Variants in GSE1 observed in about 807,000 individuals in gnomAD.
GSE1 encodes Gse1 coiled-coil protein.
In GSE1, 32 loss-of-function variants were observed where a neutral mutation model predicts 112.6. The observed-to-expected ratio is 0.28, with a 90% CI of 0.21 to 0.38. The LOEUF (loss-of-function observed/expected upper bound fraction) is 0.38. GSE1 is among the 10% of genes least tolerant of loss of function. The pLI is 1.00. For synonymous variants in GSE1, 1,115 were observed against 735.6 expected (o/e 1.52, Z -8.35); for missense variants, 2,348 against 1,699.2 (o/e 1.38, Z -6.71).
rs139489600 is a variant in GSE1, at chr16:85,604,026, T to C, written c.38-44526T>C. ...CAGGAAGCATGGTGCTCACATCTGC[T>C]CAGCTTCGGGGGAGGCCCCAGGAAA... is the stretch of plus-strand genomic sequence containing the variant. On this transcript the variant is annotated intron_variant, in intron 1 of 2. Transcript: ENST00000635906. Among the ~76,000 whole-genome samples, 43 of 152,248 alleles carry C rather than the reference T, an allele frequency of 2.8e-4. 2 individuals carry two copies. The East Asian group carries it at 7.7e-3, about 27-fold the overall frequency.
At chr16:85,519,246 C>T (rs932249759) in intron 2 of GSE1, among the ~76,000 whole-genome samples, 1 of 151,740 alleles carries the variant, frequency 6.6e-6, no homozygotes, top group Non-Finnish European at 1.5e-5. Flanking sequence ...TCACCACCAT[C>T]GTCACTTTTA....
At chr16:85,544,603 G>GA (rs2044633632) in intron 2 of GSE1, among the ~76,000 whole-genome samples, 1 of 152,214 alleles carries the variant, frequency 6.6e-6, no homozygotes. Context: ...GAAAGACAGG[G>GA]ATGAAGCCGC....
chr16:85,343,884 C>G (rs1008019695), intron 1 of GSE1, among the ~76,000 whole-genome samples: 16 of 152,198 alleles, frequency 1.1e-4, no homozygotes, highest in African/African-American at 3.9e-4. Context: ...CAAAATGGGA[C>G]CCATTGCTTC....
intron 1 of GSE1, among the ~76,000 whole-genome samples, chr16:85,615,330 C>G (rs1276182714): frequency 6.6e-6 from 1 of 152,208 alleles, no homozygotes; most frequent in Admixed American, 6.5e-5. Flanking sequence ...CCCTGGCCTG[C>G]GAGAGCAGCG....
At chr16:85,431,287 T>G (rs8047609) in intron 2 of GSE1, among the ~76,000 whole-genome samples, 4 of 152,124 alleles carry the variant, frequency 2.6e-5, no homozygotes, top group African/African-American at 7.2e-5. Flanking sequence ...CTCCAGGCCC[T>G]GTCCATACGG....
chr16:85,514,531 C>T (rs973624599), intron 2 of GSE1, among the ~76,000 whole-genome samples: 4 of 151,952 alleles, frequency 2.6e-5, no homozygotes, highest in African/African-American at 9.7e-5. Flanking sequence ...GCCCCCTTGC[C>T]TGGGAGAATG....
intron 1 of GSE1, among the ~76,000 whole-genome samples, chr16:85,632,481 C>T (rs901119948): frequency 7.2e-5 from 11 of 152,154 alleles, no homozygotes; most frequent in African/African-American, 2.4e-4. Context: ...CCAGGACTCA[C>T]GGCCTTTGGT....
At chr16:85,658,217 G>A (rs2052136626) in intron 8 of GSE1, among the ~76,000 whole-genome samples, 2 of 152,132 alleles carry the variant, frequency 1.3e-5, no homozygotes, top group African/African-American at 4.8e-5. Flanking sequence ...TTCCTGCCTT[G>A]GGGCTGTGCT....
At chr16:85,221,330 A>ACC (rs1269993900) in intron 1 of GSE1, among the ~76,000 whole-genome samples, 3 of 147,910 alleles carry the variant, frequency 2.0e-5, no homozygotes, top group Non-Finnish European at 4.5e-5. Flanking sequence ...ACACACACAC[A>ACC]CACACCCCAA....
chr16:85,268,213 C>G (rs1908450834), intron 1 of GSE1, among the ~76,000 whole-genome samples: 1 of 142,918 alleles, frequency 7.0e-6, no homozygotes, highest in Non-Finnish European at 1.5e-5. Context: ...TCTCTGAGGC[C>G]CTGGTACTGG....
intron 1 of GSE1, among the ~76,000 whole-genome samples, chr16:85,338,212 C>T (rs529540377): frequency 1.5e-3 from 224 of 152,364 alleles, no homozygotes; most frequent in African/African-American, 5.2e-3. Context: ...ATCTCTGCAC[C>T]GGCAGATCTT....
chr16:85,489,094 C>T lies in GSE1; in HGVS notation c.2464+131451C>T, dbSNP rs572363584. On this transcript the variant is annotated intron_variant, in intron 2 of 2. Transcript: ENST00000637419. ...GGAAGTATCCATGTCTGCAGCGTCC[C>T]GTGTGCTACCAATGAGCTACCCACA... 8.5e-5 allele frequency among the ~76,000 whole-genome samples: 13 copies of T among 152,254 alleles called. No homozygotes were observed. The South Asian group carries it at 2.1e-3, about 24-fold the overall frequency.
At chr16:85,549,138 C>G (rs1404461919) in intron 2 of GSE1, among the ~76,000 whole-genome samples, 2 of 151,870 alleles carry the variant, frequency 1.3e-5, no homozygotes, top group East Asian at 3.9e-4. Context: ...AGGCCACATT[C>G]ACAGGTACCA....
intron 2 of GSE1, among the ~76,000 whole-genome samples, chr16:85,536,342 TGCATGGG>T (rs1237233147): frequency 2.0e-5 from 3 of 152,170 alleles, no homozygotes; most frequent in African/African-American, 7.2e-5. Flanking sequence ...TGGAGTTGGC[TGCATGGG>T]GGTGAGAAGA....
At chr16:85,404,887 C>T (rs1402070515) in intron 2 of GSE1, among the ~76,000 whole-genome samples, 1 of 42,144 alleles carries the variant, frequency 2.4e-5, no homozygotes, top group Non-Finnish European at 4.6e-5. Flanking sequence ...CTGTTGCACT[C>T]AGGGCCCCCC....
chr16:85,298,986 G>A (rs1295907017), intron 1 of GSE1, among the ~76,000 whole-genome samples: 4 of 152,304 alleles, frequency 2.6e-5, no homozygotes, highest in Non-Finnish European at 2.9e-5. Context: ...GGGCCAGCCT[G>A]CCTGTCTGGA....
intron 1 of GSE1, among the ~76,000 whole-genome samples, chr16:85,237,917 A>G (rs1363592907): frequency 1.3e-5 from 2 of 152,110 alleles, no homozygotes; most frequent in Non-Finnish European, 2.9e-5. Flanking sequence ...TGCTGCTCCA[A>G]CCCCAGCGTC....
At chr16:85,634,194 C>A in intron 2 of GSE1, 62 bp downstream of exon 2, 1 of 1,175,700 alleles carries the variant, frequency 8.5e-7, no homozygotes, top group Non-Finnish European at 1.1e-6. Context: ...GGGACTCAGC[C>A]TCCCGCCTGC....
chr16:85,194,711 A>C (rs1391116891), intron 1 of GSE1, among the ~76,000 whole-genome samples: 1 of 152,176 alleles, frequency 6.6e-6, no homozygotes, highest in African/African-American at 2.4e-5. Context: ...CCTTTAATGC[A>C]CGGATGTCTA....
Sources: allele counts gnomAD v4.1 joint callset (sites outside exome capture counted in the v4.1 genomes callset), GRCh38; gene constraint gnomAD v4.1.1; transcripts MANE v1.5; gene names NCBI Gene and HGNC (gene_info 2026-07-23, HGNC 2026-07-21).